The following ADGRL1 variants were observed in gnomAD, a reference collection of about 807,000 sequenced individuals.
ADGRL1 encodes the protein CIRL-1.
Under a neutral mutation model 148.9 loss-of-function variants are expected in ADGRL1, and 31 were observed. The ratio of observed to expected loss-of-function variants is 0.21; its 90% CI spans 0.16 to 0.28. The LOEUF (loss-of-function observed/expected upper bound fraction) is 0.28. ADGRL1 is among the 10% of genes least tolerant of loss of function. The pLI is 1.00. For missense variants in ADGRL1, 1,521 were observed against 2,058.8 expected, an observed-to-expected ratio of 0.74 and a Z score of 5.05; for synonymous variants, 937 against 900.3, an observed-to-expected ratio of 1.04 and a Z score of -0.73.
intron 17 of ADGRL1, 45 bp downstream of exon 17, chr19:14,156,065 C>T (rs766311235): frequency 8.8e-5 from 85 of 968,900 alleles, no homozygotes; most frequent in Non-Finnish European, 1.0e-4. Context: ...CAGCGTGGGG[C>T]GGGGGTGGGT....
rs372099539 is a variant in ADGRL1, at chr19:14,195,997, A to G, written c.-96+9988T>C. ...CCCTCACATCACATCCAGCCCCGTC[A>G]GGTCCTGTGGCTACTCCTTCAGAGT... On this transcript the variant is annotated intron_variant, in intron 1 of 22. Coordinates refer to ENST00000361434, the MANE Select transcript of ADGRL1 (RefSeq NM_014921.5). Among the ~76,000 whole-genome samples the G allele has an allele frequency of 3.2e-3, 486 of 152,158 alleles. 5 individuals are homozygous for G. The highest frequency in any genetic ancestry group is 0.011 in the African/African-American group (444 of 41,492).
Position 14,155,530 on chromosome 19 carries a change from G to T in ADGRL1, c.3126-3C>A. 2 of 1,613,278 alleles carry T rather than the reference G, an allele frequency of 1.2e-6. No individual in the cohort carries two copies. The stretch of plus-strand genomic sequence containing the variant: ...CGATGGCCCCCAGCGCCCAGGATCT[G>T]GGAGTGGGGCGACAGGGGAGTCAAA... On this transcript the variant is annotated splice_region_variant and splice_polypyrimidine_tract_variant and intron_variant, in intron 17 of 22. Coordinates refer to ENST00000361434, the MANE Select transcript of ADGRL1 (RefSeq NM_014921.5). This position sits in a 1 kb window ranked among gnomAD's most constrained non-coding sequence, Gnocchi z 5.0.
At chr19:14,180,165 T>A (rs1971090659) in intron 2 of ADGRL1, among the ~76,000 whole-genome samples, 1 of 152,104 alleles carries the variant, frequency 6.6e-6, no homozygotes, top group Non-Finnish European at 1.5e-5. Context: ...CCGGGAGAGT[T>A]AACACTGTCC....
intron 1 of ADGRL1, among the ~76,000 whole-genome samples, chr19:14,204,360 G>A (rs2145202098): frequency 6.6e-6 from 1 of 152,216 alleles, no homozygotes; most frequent in Non-Finnish European, 1.5e-5. Flanking sequence ...GCAGACAGGA[G>A]AAGAGAATGA....
intron 1 of ADGRL1, among the ~76,000 whole-genome samples, chr19:14,204,122 A>T (rs1216476820): frequency 3.3e-5 from 5 of 152,224 alleles, no homozygotes; most frequent in African/African-American, 4.8e-5. Flanking sequence ...ATTAATGGGC[A>T]AGTCAGTTCT....
Position 14,157,487 on chromosome 19 carries a change from C to T in ADGRL1, c.2536-27G>A. The T allele has an allele frequency of 6.2e-7, 1 of 1,610,940 alleles. No homozygotes were observed. The highest frequency in any genetic ancestry group is 8.5e-7 in the Non-Finnish European group (1 of 1,177,818). Reference sequence around the variant, plus strand: ...TGGGGACAGGAACAGGGGGCACGCTCAGGGCCTTTGGTTTTGCACGCTGGG... The same window carrying T: ...TGGGGACAGGAACAGGGGGCACGCTTAGGGCCTTTGGTTTTGCACGCTGGG... On this transcript the variant is annotated intron_variant, in intron 13 of 22. Transcript: ENST00000361434. The surrounding 1 kb of genome is among the most constrained non-coding windows in gnomAD (Gnocchi z 7.5).
chr19:14,161,815 A>G lies in ADGRL1; in HGVS notation c.1196-189T>C, dbSNP rs938246125. 4.6e-5 allele frequency among the ~76,000 whole-genome samples: 7 copies of G among 151,994 alleles called. No homozygotes were observed. The highest frequency in any genetic ancestry group is 7.4e-5 in the Non-Finnish European group (5 of 67,962). On this transcript the variant is annotated intron_variant, in intron 5 of 22. Transcript: ENST00000361434. The surrounding 1 kb of genome is among the most constrained non-coding windows in gnomAD (Gnocchi z 4.4). Reference sequence around the variant, plus strand: ...GTGCCCACCAAAGTCCCTTATGCCCATGGGCCCATATAAAGTAGCAAAGAG... The same window carrying G: ...GTGCCCACCAAAGTCCCTTATGCCCGTGGGCCCATATAAAGTAGCAAAGAG...
In ADGRL1 at chr19:14,160,803, G is replaced by A. The variant is rs548033996; in HGVS notation, c.1511-107C>T. ...GACAGAGAGTGGGGGACGAGCGGGC[G>A]AAGAGGGAGGTGAGGGAAACACGGA... On this transcript the variant is annotated intron_variant, in intron 6 of 22. Coordinates refer to ENST00000361434, the MANE Select transcript of ADGRL1 (RefSeq NM_014921.5). This position sits in a 1 kb window ranked among gnomAD's most constrained non-coding sequence, Gnocchi z 5.9. 5.5e-6 allele frequency: 4 copies of A among 724,924 alleles called. No homozygotes were observed. Among genetic ancestry groups the A allele is most frequent in the Admixed American group, 4.0e-5 (2 of 49,462 alleles). 44.9% of individuals were successfully genotyped at this position (724,924 alleles called of 1,614,324 possible).
At chr19:14,172,824 G>C (rs571822504) in intron 3 of ADGRL1, among the ~76,000 whole-genome samples, 1 of 152,166 alleles carries the variant, frequency 6.6e-6, no homozygotes, top group African/African-American at 2.4e-5. Context: ...TTAGTCACTA[G>C]TGGTCATCTC....
At chr19:14,153,237 G>A (rs1968392479) in intron 18 of ADGRL1, among the ~76,000 whole-genome samples, 1 of 152,084 alleles carries the variant, frequency 6.6e-6, no homozygotes, top group Non-Finnish European at 1.5e-5. Flanking sequence ...CCTCAGGGAA[G>A]GTATGGAACA....
In ADGRL1 at chr19:14,156,917, A is replaced by C. The variant is rs754002920; in HGVS notation, c.2966+8T>G. 13 of 1,607,912 alleles carry C rather than the reference A, an allele frequency of 8.1e-6. No individual in the cohort carries two copies. In the South Asian group the frequency reaches 1.4e-4, roughly 18 times the overall value. Reference sequence around the variant, plus strand: ...GGGAGGGTGCAGGGCTGGGAGGTGGAAACTCACGCCTTCTCGGTGCCGTAG... The same window carrying C: ...GGGAGGGTGCAGGGCTGGGAGGTGGCAACTCACGCCTTCTCGGTGCCGTAG... On this transcript the variant is annotated splice_region_variant and intron_variant, in intron 15 of 22. Transcript: ENST00000361434.
At chr19:14,164,888 T>A (rs1315618349) in intron 4 of ADGRL1, among the ~76,000 whole-genome samples, 2 of 151,922 alleles carry the variant, frequency 1.3e-5, no homozygotes, top group Non-Finnish European at 2.9e-5. Context: ...CGGGCCTCCC[T>A]CACCTCCTGG....
intron 2 of ADGRL1, among the ~76,000 whole-genome samples, chr19:14,180,933 A>C (rs367709571): frequency 3.9e-5 from 6 of 152,204 alleles, no homozygotes; most frequent in African/African-American, 1.4e-4. Flanking sequence ...CTATAGTCCC[A>C]GCTACTCAGG....
intron 1 of ADGRL1, among the ~76,000 whole-genome samples, chr19:14,190,571 CGT>C: frequency 6.6e-6 from 1 of 151,472 alleles, no homozygotes; most frequent in Non-Finnish European, 1.5e-5. Context: ...CTGGTTAAAA[CGT>C]GTTTATCTGA....
Position 14,155,348 on chromosome 19 carries a change from C to G in ADGRL1, c.3294+11G>C, listed in dbSNP as rs776981618. 1 of 1,613,114 alleles carries G rather than the reference C, an allele frequency of 6.2e-7. No individual in the cohort carries two copies. The highest frequency in any genetic ancestry group is 1.7e-5 in the Admixed American group (1 of 59,998). On this transcript the variant is annotated intron_variant, in intron 18 of 22. Transcript: ENST00000361434. The surrounding 1 kb of genome is among the most constrained non-coding windows in gnomAD (Gnocchi z 5.0). ...GGGAGGCTGTGACCCAGGACCCCGCCTCGACCTCACCTTCTTCTGTAAGGC... is the reference window on the plus strand; with the variant it reads ...GGGAGGCTGTGACCCAGGACCCCGCGTCGACCTCACCTTCTTCTGTAAGGC...
rs548013075 is a variant in ADGRL1 at position 14,184,413 on chromosome 19, A to G, written c.-95-716T>C. ...GCTCTGTCCCCAGGCACAGCGGCTC[A>G]GTTTTTTTTTTCATTATTATTATTT... is the stretch of plus-strand genomic sequence containing the variant. On this transcript the variant is annotated intron_variant, in intron 1 of 22. Coordinates refer to ENST00000361434, the MANE Select transcript of ADGRL1 (RefSeq NM_014921.5). Among the ~76,000 whole-genome samples the G allele has an allele frequency of 9.4e-4, 139 of 148,140 alleles. 1 individual carries two copies. The Middle Eastern group carries it at 0.014, about 15-fold the overall frequency.
At chr19:14,158,699 G>T in intron 11 of ADGRL1, 147 bp from the exon 12 acceptor site, 1 of 662,188 alleles carries the variant, frequency 1.5e-6, no homozygotes. Context: ...AGCCCAGGCA[G>T]GTGGGGGTCA....
rs1195660338 is a variant in ADGRL1, at chr19:14,157,470, G to A, written c.2536-10C>T. On this transcript the variant is annotated splice_polypyrimidine_tract_variant and intron_variant, in intron 13 of 22. Coordinates refer to ENST00000361434, the MANE Select transcript of ADGRL1 (RefSeq NM_014921.5). The surrounding 1 kb of genome is among the most constrained non-coding windows in gnomAD (Gnocchi z 7.5). ...TGATGCGGCCCTGGTACTGGGGACA[G>A]GAACAGGGGGCACGCTCAGGGCCTT... 5 of 1,613,384 alleles carry A rather than the reference G, an allele frequency of 3.1e-6. No individual in the cohort carries two copies. The highest frequency in any genetic ancestry group is 4.2e-6 in the Non-Finnish European group (5 of 1,179,774).
chr19:14,167,096 G>GA (rs956169815), intron 4 of ADGRL1: 1,634 of 1,295,536 alleles, frequency 1.3e-3, no homozygotes, highest in Non-Finnish European at 1.5e-3. Flanking sequence ...GAAAAAAAGA[G>GA]AAAAAAAAAG....
Sources: gnomAD v4.1 joint callset for allele counts (sites outside exome capture counted in the v4.1 genomes callset) on GRCh38, gnomAD v4.1.1 for gene constraint, Gnocchi (gnomAD v3.1) non-coding constraint, MANE v1.5 for transcripts, NCBI Gene and HGNC (gene_info 2026-07-23, HGNC 2026-07-21) for gene names.